The following SCAPER variants were observed in gnomAD, a reference collection of about 807,000 sequenced individuals.
SCAPER encodes S-phase cyclin A associated protein in the ER.
In SCAPER, 98 loss-of-function variants were observed where a neutral mutation model predicts 182.2. The ratio of observed to expected loss-of-function variants is 0.54; its 90% CI spans 0.46 to 0.64. The LOEUF (loss-of-function observed/expected upper bound fraction) is 0.64, where lower values mean the gene tolerates loss of function less well. SCAPER is among the 30% of genes least tolerant of loss of function. SCAPER has a pLI of 0.00. For synonymous variants in SCAPER, 605 were observed against 564.6 expected, an observed-to-expected ratio of 1.07 and a Z score of -1.01; for missense variants, 1,432 against 1,690.0, an observed-to-expected ratio of 0.85 and a Z score of 2.68.
intron 29 of SCAPER, among the ~76,000 whole-genome samples, chr15:76,359,399 A>G (rs2041240233): frequency 6.6e-6 from 1 of 152,240 alleles, no homozygotes. Flanking sequence ...GCCAGCCAGG[A>G]TCTTGCAGTG....
chr15:76,595,413 A>G lies in SCAPER; in HGVS notation c.2712-21129T>C, dbSNP rs2049421925. The stretch of plus-strand genomic sequence containing the variant: ...AATATTAGACAGATCAACGAGGCAG[A>G]AAATTAACAAGGATATTCAGGACTT... On this transcript the variant is annotated intron_variant, in intron 22 of 31. Coordinates refer to ENST00000563290, the MANE Select transcript of SCAPER (RefSeq NM_020843.4). 1.6e-5 allele frequency among the ~76,000 whole-genome samples: 2 copies of G among 121,824 alleles called. 1 individual carries two copies. 79.9% of individuals were successfully genotyped at this position (121,824 alleles called of 152,430 possible). A position where few individuals can be genotyped will look rare whatever the true frequency, so the allele number is the denominator to read the frequency against.
chr15:76,422,494 A>G (rs376515763), intron 26 of SCAPER, among the ~76,000 whole-genome samples: 3 of 152,022 alleles, frequency 2.0e-5, no homozygotes, highest in Non-Finnish European at 2.9e-5. Context: ...TGCTGAAGTT[A>G]CTTATCAGCT....
chr15:76,395,275 T>C (rs2043973564), intron 27 of SCAPER, among the ~76,000 whole-genome samples: 2 of 152,204 alleles, frequency 1.3e-5, no homozygotes. Context: ...TGCTTTCAAA[T>C]CTTGGCTATT....
intron 2 of SCAPER, among the ~76,000 whole-genome samples, chr15:76,866,472 T>C (rs1473522364): frequency 6.6e-6 from 1 of 152,180 alleles, no homozygotes; most frequent in East Asian, 1.9e-4. Context: ...GTTAGCTCTT[T>C]TGTATTTAGT....
intron 23 of SCAPER, among the ~76,000 whole-genome samples, chr15:76,567,831 T>C (rs867033966): frequency 1.3e-5 from 2 of 152,110 alleles, no homozygotes; most frequent in Admixed American, 6.6e-5. Flanking sequence ...CTTGCTACCC[T>C]CTTCCTGGTG....
chr15:76,724,658 C>A (rs1041242976), intron 17 of SCAPER, among the ~76,000 whole-genome samples: 1 of 152,082 alleles, frequency 6.6e-6, no homozygotes, highest in Non-Finnish European at 1.5e-5. Flanking sequence ...CTTCTCTTCA[C>A]GCTTCATTTC....
At chr15:76,822,066 A>G (rs551612720) in intron 5 of SCAPER, among the ~76,000 whole-genome samples, 87 of 152,320 alleles carry the variant, frequency 5.7e-4, no homozygotes, top group Admixed American at 1.2e-3. Context: ...TACTCTGCAT[A>G]TTATTAAAAT....
intron 27 of SCAPER, among the ~76,000 whole-genome samples, chr15:76,402,543 C>T (rs982767440): frequency 5.3e-5 from 8 of 152,002 alleles, no homozygotes; most frequent in Admixed American, 5.2e-4. Context: ...GCTTTACTTC[C>T]TTTTCTGTGC....
intron 21 of SCAPER, among the ~76,000 whole-genome samples, chr15:76,647,642 C>G (rs2054656335): frequency 6.6e-6 from 1 of 152,162 alleles, no homozygotes; most frequent in African/African-American, 2.4e-5. Flanking sequence ...AGAGAGGCCC[C>G]ACTGAGTCTC....
At chr15:76,589,130 G>A (rs1419709138) in intron 22 of SCAPER, among the ~76,000 whole-genome samples, 1 of 152,182 alleles carries the variant, frequency 6.6e-6, no homozygotes, top group Non-Finnish European at 1.5e-5. Flanking sequence ...GCAAGGGAAT[G>A]AAATGGACTC....
intron 1 of SCAPER, among the ~76,000 whole-genome samples, chr15:76,896,499 C>T (rs767567413): frequency 1.3e-5 from 2 of 151,980 alleles, no homozygotes; most frequent in African/African-American, 4.8e-5. Flanking sequence ...GAAAGACATC[C>T]CATGTTCATG....
intron 26 of SCAPER, among the ~76,000 whole-genome samples, chr15:76,425,962 G>A (rs554806635): frequency 7.2e-5 from 11 of 152,204 alleles, no homozygotes; most frequent in South Asian, 2.1e-4. Flanking sequence ...CTGCCTGATC[G>A]TTCTTCTGGA....
At chr15:76,711,871 C>A (rs1352499263) in intron 17 of SCAPER, among the ~76,000 whole-genome samples, 2 of 152,052 alleles carry the variant, frequency 1.3e-5, no homozygotes, top group African/African-American at 4.8e-5. Context: ...CAAAAATTTT[C>A]TCCCATTCTG....
chr15:76,687,707 T>C (rs1419228665), intron 20 of SCAPER, among the ~76,000 whole-genome samples: 1 of 152,232 alleles, frequency 6.6e-6, no homozygotes, highest in Non-Finnish European at 1.5e-5. Flanking sequence ...TTTCTGTTCT[T>C]GTGTTGGTTT....
chr15:76,380,915 AT>A (rs1419449681), intron 28 of SCAPER: 6 of 152,516 alleles, frequency 3.9e-5, no homozygotes, highest in African/African-American at 1.4e-4. Context: ...AATTTATCTA[AT>A]TTTGGTTCTA....
At chr15:76,434,033 G>C (rs903736797) in intron 26 of SCAPER, 45 bp downstream of exon 26, 6 of 1,491,882 alleles carry the variant, frequency 4.0e-6, no homozygotes, top group Non-Finnish European at 5.5e-6. Context: ...TTTTAATATA[G>C]TTTCTTAACA....
intron 22 of SCAPER, among the ~76,000 whole-genome samples, chr15:76,579,073 T>G (rs1248878387): frequency 6.7e-6 from 1 of 150,240 alleles, no homozygotes; most frequent in Admixed American, 6.8e-5. Flanking sequence ...GAGACAATCC[T>G]GGCTAACACG....
intron 23 of SCAPER, among the ~76,000 whole-genome samples, chr15:76,520,674 T>A (rs1282361592): frequency 6.6e-6 from 1 of 152,076 alleles, no homozygotes; most frequent in African/African-American, 2.4e-5. Context: ...AAGAACTGTC[T>A]CATATCACAA....
At chr15:76,692,469 A>G (rs1045309604) in intron 20 of SCAPER, among the ~76,000 whole-genome samples, 4 of 152,124 alleles carry the variant, frequency 2.6e-5, no homozygotes, top group African/African-American at 9.7e-5. Flanking sequence ...CTGGTGGATC[A>G]CATGAGGCCA....
Sources: allele counts gnomAD v4.1 joint callset (sites outside exome capture counted in the v4.1 genomes callset), GRCh38; gene constraint gnomAD v4.1.1; transcripts MANE v1.5; gene names NCBI Gene and HGNC (gene_info 2026-07-23, HGNC 2026-07-21).